The following ZC3H18 variants were observed in gnomAD, a reference collection of about 807,000 sequenced individuals.
ZC3H18 encodes the protein zinc finger CCCH-type containing 18.
A neutral mutation model predicts 106.1 loss-of-function variants in ZC3H18; 8 were observed. The ratio of observed to expected loss-of-function variants is 0.08; its 90% confidence interval spans 0.04 to 0.14. The LOEUF (loss-of-function observed/expected upper bound fraction) is 0.14, where lower values mean the gene tolerates loss of function less well. ZC3H18 is among the 10% of genes least tolerant of loss of function. ZC3H18 has a pLI of 1.00. For synonymous variants in ZC3H18, 635 were observed against 522.1 expected, an observed-to-expected ratio of 1.22 and a Z score of -2.95; for missense variants, 1,318 against 1,278.4, an observed-to-expected ratio of 1.03 and a Z score of -0.47.
chr16:88,614,284 C>T (rs1265869591), intron 8 of ZC3H18, among the ~76,000 whole-genome samples: 3 of 152,240 alleles, frequency 2.0e-5, no homozygotes, highest in African/African-American at 7.2e-5. Flanking sequence ...AGAGACCTGG[C>T]AGCCATCAGG....
chr16:88,614,615 TCTTAA>T (rs1244311120), intron 8 of ZC3H18, among the ~76,000 whole-genome samples: 1 of 152,262 alleles, frequency 6.6e-6, no homozygotes, highest in Non-Finnish European at 1.5e-5. Flanking sequence ...AAAGTAATCT[TCTTAA>T]AGAACATTCA....
chr16:88,617,238 G>C (rs762338086), intron 8 of ZC3H18, among the ~76,000 whole-genome samples: 1 of 151,874 alleles, frequency 6.6e-6, no homozygotes, highest in Non-Finnish European at 1.5e-5. Context: ...TGTCCCCGTC[G>C]GGATCTCATC....
intron 2 of ZC3H18, among the ~76,000 whole-genome samples, chr16:88,581,419 A>G (rs772856881): frequency 1.2e-4 from 18 of 152,230 alleles, no homozygotes; most frequent in Non-Finnish European, 2.4e-4. Flanking sequence ...AATTTGTACA[A>G]TAAGCCCTTG....
intron 3 of ZC3H18, among the ~76,000 whole-genome samples, chr16:88,597,041 C>T (rs565500806): frequency 4.2e-4 from 64 of 152,332 alleles, no homozygotes; most frequent in African/African-American, 1.4e-3. Flanking sequence ...CTGCTTCAGC[C>T]TCCCAAGTAG....
chr16:88,628,182 G>C (rs371957683), intron 15 of ZC3H18, 63 bp downstream of exon 15: 2 of 1,573,000 alleles, frequency 1.3e-6, no homozygotes, highest in African/African-American at 2.7e-5. Flanking sequence ...TCTGCTTCCT[G>C]AGACAGCTTC....
At chr16:88,585,093 G>C (rs1025832909) in intron 2 of ZC3H18, among the ~76,000 whole-genome samples, 13 of 152,244 alleles carry the variant, frequency 8.5e-5, no homozygotes, top group African/African-American at 2.9e-4. Flanking sequence ...GACCAGAGAA[G>C]AGAGACATCC....
intron 8 of ZC3H18, among the ~76,000 whole-genome samples, chr16:88,616,180 G>A (rs565425829): frequency 6.6e-6 from 1 of 152,364 alleles, no homozygotes; most frequent in Admixed American, 6.5e-5. Context: ...GAGGTGCTCA[G>A]ACGTTGTCTG....
At chr16:88,598,409 G>A in intron 4 of ZC3H18, 83 bp downstream of exon 4, 5 of 1,534,308 alleles carry the variant, frequency 3.3e-6, no homozygotes, top group South Asian at 1.3e-5. Flanking sequence ...AAGTCACTGT[G>A]CCTTAGCACA....
chr16:88,624,507 G>T (rs1906172332), intron 11 of ZC3H18, 95 bp from the exon 12 acceptor site: 2 of 1,582,810 alleles, frequency 1.3e-6, no homozygotes, highest in Non-Finnish European at 1.7e-6. Flanking sequence ...GGCATGCAGT[G>T]TCGTTCCCCG....
chr16:88,582,050 G>T (rs1915163679), intron 2 of ZC3H18, among the ~76,000 whole-genome samples: 1 of 152,090 alleles, frequency 6.6e-6, no homozygotes, highest in African/African-American at 2.4e-5. Flanking sequence ...TCCTACATTT[G>T]TAGGGTGGCC....
chr16:88,575,867 C>T (rs1280401566), intron 1 of ZC3H18, among the ~76,000 whole-genome samples: 1 of 150,538 alleles, frequency 6.6e-6, no homozygotes, highest in South Asian at 2.1e-4. Context: ...GCACGCACCA[C>T]CACACTCTGT....
chr16:88,599,265 G>C (rs932434673), intron 5 of ZC3H18, among the ~76,000 whole-genome samples: 1 of 152,342 alleles, frequency 6.6e-6, no homozygotes, highest in Admixed American at 6.5e-5. Flanking sequence ...TCTTCCTGGA[G>C]AAAACTTGGA....
Position 88,611,445 on chromosome 16 carries a change from G to A in ZC3H18, c.1384G>A (p.Glu462Lys), listed in dbSNP as rs1161806603. The change falls in exon 8 of 18, where the codon GAG (glutamate) becomes AAG (lysine). Residue 462 changes from glutamate to lysine, a missense_variant. Around this residue, in one of 6 missense-constraint regions of ZC3H18, gnomAD observed 848 missense variants for 821.7 expected, o/e 1.03. Coordinates refer to ENST00000301011, the MANE Select transcript of ZC3H18 (RefSeq NM_144604.4). ...GGAGCGTGAGCGAGCCAAGCGGGAC[G>A]AGAAGGACCGGCAGCACCGTGACCG... ...EWERERAKRD[E>K]KDRQHRDRDR... is the part of the protein sequence containing the mutation. 1.3e-6 allele frequency: 2 copies of A among 1,523,736 alleles called. No individual in the cohort carries two copies. The highest frequency in any genetic ancestry group is 1.4e-5 in the African/African-American group (1 of 72,618). 94.4% of individuals were successfully genotyped at this position (1,523,736 alleles called of 1,614,324 possible).
At chr16:88,607,142 TCC>T (rs1299782576) in intron 6 of ZC3H18, among the ~76,000 whole-genome samples, 1 of 152,148 alleles carries the variant, frequency 6.6e-6, no homozygotes, top group African/African-American at 2.4e-5. Flanking sequence ...AGTCGTCCCC[TCC>T]CTGTTCAATG....
At chr16:88,609,649 G>A (rs1905180154) in intron 7 of ZC3H18, among the ~76,000 whole-genome samples, 1 of 152,002 alleles carries the variant, frequency 6.6e-6, no homozygotes, top group African/African-American at 2.4e-5. Context: ...ACCCAGGCTG[G>A]AGTTCAGTGG....
chr16:88,578,408 G>A (rs563710724), intron 2 of ZC3H18, among the ~76,000 whole-genome samples: 12 of 152,298 alleles, frequency 7.9e-5, no homozygotes, highest in African/African-American at 2.6e-4. Flanking sequence ...AGTTGATGCC[G>A]TTGGAAAAAC....
At chr16:88,619,511 A>T (rs1048892417) in intron 8 of ZC3H18, among the ~76,000 whole-genome samples, 1 of 151,122 alleles carries the variant, frequency 6.6e-6, no homozygotes, top group Admixed American at 6.6e-5. Context: ...GACCTCACTG[A>T]CCCCTGCTGG....
intron 2 of ZC3H18, among the ~76,000 whole-genome samples, chr16:88,585,648 G>C (rs1472343946): frequency 6.6e-6 from 1 of 152,174 alleles, no homozygotes; most frequent in Non-Finnish European, 1.5e-5. Context: ...GGAAGAACGC[G>C]GTCAGGCCTG....
chr16:88,598,788 C>CT, intron 5 of ZC3H18, 76 bp downstream of exon 5: 1 of 1,413,290 alleles, frequency 7.1e-7, no homozygotes, highest in South Asian at 1.2e-5. Flanking sequence ...CTGGGATTTC[C>CT]TCGGTCCAGA....
Sources: gnomAD v4.1 joint callset for allele counts (sites outside exome capture counted in the v4.1 genomes callset) on GRCh38, gnomAD v4.1.1 for gene constraint, gnomAD v4.1.1 regional missense constraint, MANE v1.5 for transcripts, NCBI Gene and HGNC (gene_info 2026-07-23, HGNC 2026-07-21) for gene names.